CCDC172: variants seen among roughly 807,000 people sequenced by gnomAD.
CCDC172 encodes the protein coiled-coil domain containing 172.
In CCDC172, 30 loss-of-function variants were observed where a neutral mutation model predicts 38.0. The observed-to-expected ratio is 0.79, with a 90% CI of 0.59 to 1.07. CCDC172 has a LOEUF of 1.07. CCDC172 is among the 50% of genes least tolerant of loss of function. CCDC172 has a pLI of 0.00. For missense variants in CCDC172, 297 were observed against 290.1 expected, an observed-to-expected ratio of 1.02 and a Z score of -0.17; for synonymous variants, 78 against 88.3, an observed-to-expected ratio of 0.88 and a Z score of 0.66.
intron 7 of CCDC172, among the ~76,000 whole-genome samples, chr10:116,361,642 G>T (rs1171035848): frequency 2.0e-5 from 3 of 152,136 alleles, no homozygotes; most frequent in African/African-American, 7.2e-5. Context: ...GAGCATATTT[G>T]CAATGTAAGC....
intron 5 of CCDC172, among the ~76,000 whole-genome samples, chr10:116,344,421 T>A (rs1844838147): frequency 6.6e-6 from 1 of 152,224 alleles, no homozygotes; most frequent in African/African-American, 2.4e-5. Context: ...TGGCAAGTAT[T>A]TGTCTACCTA....
At chr10:116,324,891 C>A in intron 1 of CCDC172, 56 bp from the exon 2 acceptor site, 1 of 787,424 alleles carries the variant, frequency 1.3e-6, no homozygotes, top group Non-Finnish European at 2.1e-6. Flanking sequence ...GGGTTGGAGA[C>A]AGGTCTATCT....
At chr10:116,342,574 C>T (rs17094567) in intron 5 of CCDC172, among the ~76,000 whole-genome samples, 14,142 of 152,090 alleles carry the variant, frequency 0.093, 899 homozygotes, top group East Asian at 0.21. Flanking sequence ...TCTAACAATC[C>T]AGGAGAAGCT....
chr10:116,336,692 T>A (rs1256611832), intron 3 of CCDC172, among the ~76,000 whole-genome samples: 3 of 152,126 alleles, frequency 2.0e-5, no homozygotes, highest in Non-Finnish European at 4.4e-5. Context: ...GTTTTTTTTT[T>A]AAATGTAAAA....
intron 7 of CCDC172, among the ~76,000 whole-genome samples, chr10:116,359,807 A>C (rs1845041898): frequency 6.6e-6 from 1 of 152,190 alleles, no homozygotes; most frequent in African/African-American, 2.4e-5. Context: ...CAACTTTAAT[A>C]CATGCTTTAT....
intron 5 of CCDC172, 92 bp from the exon 6 acceptor site, chr10:116,357,288 G>A: frequency 4.1e-6 from 3 of 723,600 alleles, no homozygotes; most frequent in Non-Finnish European, 6.7e-6. Context: ...TTTCATCTGT[G>A]TTTTATAGTT....
At chr10:116,350,376 T>C (rs1008721817) in intron 5 of CCDC172, among the ~76,000 whole-genome samples, 12 of 152,288 alleles carry the variant, frequency 7.9e-5, no homozygotes, top group African/African-American at 2.6e-4. Flanking sequence ...GTTCTAAATA[T>C]GTTTTGAAGG....
At chr10:116,352,429 G>T (rs1262539002) in intron 5 of CCDC172, among the ~76,000 whole-genome samples, 1 of 152,124 alleles carries the variant, frequency 6.6e-6, no homozygotes, top group African/African-American at 2.4e-5. Context: ...TGATATAGAT[G>T]ATGCAATTAG....
chr10:116,375,706 A>C (rs901284653), intron 7 of CCDC172, among the ~76,000 whole-genome samples: 2 of 152,184 alleles, frequency 1.3e-5, no homozygotes, highest in Admixed American at 1.3e-4. Flanking sequence ...GCCCCATCAA[A>C]AAGTGGGCCA....
At chr10:116,327,063 A>G (rs1479239378) in intron 3 of CCDC172, among the ~76,000 whole-genome samples, 2 of 152,266 alleles carry the variant, frequency 1.3e-5, no homozygotes, top group East Asian at 3.9e-4. Flanking sequence ...CACTTACTGT[A>G]TGCAGGGGCA....
chr10:116,341,810 C>A (rs753631347), intron 4 of CCDC172, among the ~76,000 whole-genome samples: 2 of 151,532 alleles, frequency 1.3e-5, no homozygotes, highest in Non-Finnish European at 2.9e-5. Context: ...ATAATTCTCC[C>A]AAAACTTTAA....
chr10:116,368,303 C>A (rs1845146894), intron 7 of CCDC172, among the ~76,000 whole-genome samples: 1 of 152,046 alleles, frequency 6.6e-6, no homozygotes, highest in African/African-American at 2.4e-5. Context: ...ATGATTCCTC[C>A]TTGAATCAGT....
Position 116,325,356 on chromosome 10 carries a change from C to CT in CCDC172, c.134dup (p.Asn46GlufsTer2), listed in dbSNP as rs1844578583. 1 of 1,613,538 alleles carries CT rather than the reference C, an allele frequency of 6.2e-7. No individual in the cohort carries two copies. Among genetic ancestry groups the CT allele is most frequent in the Admixed American group, 1.7e-5 (1 of 59,948 alleles). On this transcript the variant is annotated frameshift_variant, in exon 3 of 9. Coordinates refer to ENST00000333254, the MANE Select transcript of CCDC172 (RefSeq NM_198515.3). LOFTEE classifies it high-confidence loss of function. ...AAAAATTAAGAAAGCAACGGAGGAGCTGAATGAAGAGAAAATCAAGCTGGA... is the reference window on the plus strand; with the variant it reads ...AAAAATTAAGAAAGCAACGGAGGAGCTTGAATGAAGAGAAAATCAAGCTGGA...
At chr10:116,375,105 T>G (rs992134062) in intron 7 of CCDC172, among the ~76,000 whole-genome samples, 38 of 152,150 alleles carry the variant, frequency 2.5e-4, no homozygotes, top group Non-Finnish European at 4.6e-4. Flanking sequence ...ATTGGACATT[T>G]TATTTTGTGA....
rs754864577 is a variant in CCDC172, at chr10:116,362,138, C to T, written c.653+4200C>T. 3.3e-5 allele frequency among the ~76,000 whole-genome samples: 5 copies of T among 152,240 alleles called. No homozygotes were observed. The South Asian group carries it at 8.3e-4, about 25-fold the overall frequency. ...CTGAGAGGCAGAGCTTGCAGTGAGCCGAGATCGCTTTTCATACCCTTGCTC... is the reference window on the plus strand; with the variant it reads ...CTGAGAGGCAGAGCTTGCAGTGAGCTGAGATCGCTTTTCATACCCTTGCTC... On this transcript the variant is annotated intron_variant, in intron 7 of 8. Coordinates refer to ENST00000333254, the MANE Select transcript of CCDC172 (RefSeq NM_198515.3).
intron 7 of CCDC172, among the ~76,000 whole-genome samples, chr10:116,376,372 A>G (rs977410272): frequency 6.6e-6 from 1 of 151,962 alleles, no homozygotes. Context: ...TGTTCCTCAT[A>G]TCTCCCCTCA....
Position 116,374,866 on chromosome 10 carries a change from CTT to C in CCDC172, c.654-3555_654-3554del, listed in dbSNP as rs369231056. The stretch of plus-strand genomic sequence containing the variant: ...ATATATGGTTTCCACAAGAAACTCA[CTT>C]TAAATATAAAGATGTAGATACGTTA... On this transcript the variant is annotated intron_variant, in intron 7 of 8. Coordinates refer to ENST00000333254, the MANE Select transcript of CCDC172 (RefSeq NM_198515.3). 2.1e-4 allele frequency among the ~76,000 whole-genome samples: 32 copies of C among 150,082 alleles called. No homozygotes were observed. The South Asian group carries it at 6.5e-3, about 31-fold the overall frequency.
At chr10:116,335,838 C>A (rs1367706995) in intron 3 of CCDC172, among the ~76,000 whole-genome samples, 1 of 150,644 alleles carries the variant, frequency 6.6e-6, no homozygotes, top group Non-Finnish European at 1.5e-5. Flanking sequence ...TTTTTTATTT[C>A]TTGATGGTTT....
chr10:116,372,469 C>T (rs955769231), intron 7 of CCDC172, among the ~76,000 whole-genome samples: 4 of 152,054 alleles, frequency 2.6e-5, no homozygotes, highest in African/African-American at 4.8e-5. Context: ...TCAGTGCCTG[C>T]GTTCCAGCCC....
Sources: allele counts gnomAD v4.1 joint callset (sites outside exome capture counted in the v4.1 genomes callset), GRCh38; gene constraint gnomAD v4.1.1; transcripts MANE v1.5; gene names NCBI Gene and HGNC (gene_info 2026-07-23, HGNC 2026-07-21).